The following STRN3 variants were observed in gnomAD, a reference collection of about 807,000 sequenced individuals.
STRN3 encodes the protein striatin-3.
STRN3 carries 29 observed loss-of-function variants against 95.6 expected under a neutral mutation model. That is an observed-to-expected ratio of 0.30 (90% CI 0.23 to 0.41). The LOEUF (loss-of-function observed/expected upper bound fraction) is 0.41. STRN3 is among the 10% of genes least tolerant of loss of function. STRN3 has a pLI of 1.00. For missense variants in STRN3, 890 were observed against 972.1 expected (o/e 0.92, Z 1.12); for synonymous variants, 331 against 357.6 (o/e 0.93, Z 0.84).
rs1003187963 is a variant in STRN3, at chr14:31,026,114, A to G, written c.72T>C (p.Pro24=). ...CGGGCGAAAGGCCCAGGTTCCCCCC[A>G]GGTCCCTGCTGCTGCCGGGGAGGGG... ...MAAPPRQQQG[P]GGNLGLSPGG... The change falls in exon 1 of 18, where the codon CCT becomes CCC. Residue 24 remains proline, a synonymous_variant. Transcript: ENST00000357479. The G allele has an allele frequency of 2.0e-5, 31 of 1,512,334 alleles. No homozygotes were observed. The highest frequency in any genetic ancestry group is 2.6e-5 in the Non-Finnish European group (30 of 1,134,548). 93.7% of individuals were successfully genotyped at this position (1,512,334 alleles called of 1,614,324 possible).
chr14:30,902,551 A>C lies in STRN3; in HGVS notation c.2122T>G (p.Phe708Val). The C allele has an allele frequency of 6.3e-7, 1 of 1,598,592 alleles. No individual in the cohort carries two copies. Among genetic ancestry groups the C allele is most frequent in the Non-Finnish European group, 8.5e-7 (1 of 1,174,270 alleles). The change falls in exon 16 of 18, where the codon TTT becomes GTT. Residue 708 changes from phenylalanine (F) to valine (V), a missense_variant. Phe to Val is a conservative substitution (Grantham distance 50, BLOSUM62 -1). Around this residue, in one of 3 missense-constraint regions of STRN3, gnomAD observed 357 missense variants for 422.8 expected, o/e 0.84. Coordinates refer to ENST00000357479, the MANE Select transcript of STRN3 (RefSeq NM_001083893.2). The stretch of plus-strand genomic sequence containing the variant: ...ATTTGCTTACCCGTTTTATTGTCAA[A>C]AAATTTGATGTGTCTATCTTCATGA... The part of the protein sequence containing the change: ...TAHEDRHIKF[F>V]DNKTGKMIHS...
intron 13 of STRN3, among the ~76,000 whole-genome samples, chr14:30,908,356 A>T (rs1896521468): frequency 6.6e-6 from 1 of 152,204 alleles, no homozygotes; most frequent in African/African-American, 2.4e-5. Flanking sequence ...ACACCAAAAC[A>T]ATCCTTGCTA....
intron 1 of STRN3, among the ~76,000 whole-genome samples, chr14:30,992,565 TAAAAAAAAAAAAAAAAA>T (rs58987293): frequency 5.3e-5 from 5 of 94,072 alleles, no homozygotes; most frequent in African/African-American, 2.2e-4. Flanking sequence ...CCTGTCTCTT[TAAAAAAAAAAAAAAAAA>T]AAAAAAAAAG....
intron 1 of STRN3, among the ~76,000 whole-genome samples, chr14:30,959,684 G>A (rs1880091668): frequency 1.3e-5 from 2 of 152,070 alleles, no homozygotes; most frequent in African/African-American, 4.8e-5. Flanking sequence ...AAAAAGGCAA[G>A]GTGGCACATG....
intron 1 of STRN3, among the ~76,000 whole-genome samples, chr14:30,966,079 C>A (rs968820584): frequency 3.3e-5 from 5 of 152,140 alleles, no homozygotes; most frequent in African/African-American, 1.2e-4. Flanking sequence ...TCTGCCCTGA[C>A]CCCCGCCAAA....
intron 1 of STRN3, among the ~76,000 whole-genome samples, chr14:31,001,060 A>G (rs1882427256): frequency 6.6e-6 from 1 of 152,196 alleles, no homozygotes; most frequent in Admixed American, 6.6e-5. Context: ...CTGAAGGTTT[A>G]CAGAGAGTAC....
chr14:30,897,308 G>C (rs1896184424), intron 16 of STRN3, among the ~76,000 whole-genome samples: 4 of 152,222 alleles, frequency 2.6e-5, no homozygotes, highest in Admixed American at 2.6e-4. Context: ...TAGTAGGCCA[G>C]CTGTGGGGGA....
At chr14:31,003,843 T>C (rs1566487087) in intron 1 of STRN3, among the ~76,000 whole-genome samples, 1 of 148,654 alleles carries the variant, frequency 6.7e-6, no homozygotes, top group African/African-American at 2.5e-5. Context: ...AGATTTCTTG[T>C]ACAGGATACA....
intron 1 of STRN3, among the ~76,000 whole-genome samples, chr14:30,972,930 G>T (rs1880905947): frequency 6.6e-6 from 1 of 152,190 alleles, no homozygotes; most frequent in South Asian, 2.1e-4. Context: ...TAAAGATTAG[G>T]CCGGGTGCGG....
intron 4 of STRN3, among the ~76,000 whole-genome samples, chr14:30,949,886 T>G (rs1156671051): frequency 6.6e-6 from 1 of 152,092 alleles, no homozygotes; most frequent in Admixed American, 6.6e-5. Context: ...TCTGCAATGT[T>G]TGGACAGGAA....
At chr14:30,939,062 C>G (rs1878965525) in intron 5 of STRN3, among the ~76,000 whole-genome samples, 1 of 152,150 alleles carries the variant, frequency 6.6e-6, no homozygotes, top group Non-Finnish European at 1.5e-5. Flanking sequence ...TGCTGAATTT[C>G]CTTTGCCCAA....
chr14:30,919,344 T>C (rs1220747931), intron 8 of STRN3, among the ~76,000 whole-genome samples: 1 of 150,770 alleles, frequency 6.6e-6, no homozygotes, highest in African/African-American at 2.4e-5. Flanking sequence ...ATATTACATA[T>C]ATGTCTCTCT....
At chr14:30,921,913 C>T (rs1458557760) in intron 8 of STRN3, among the ~76,000 whole-genome samples, 1 of 152,030 alleles carries the variant, frequency 6.6e-6, no homozygotes, top group Non-Finnish European at 1.5e-5. Context: ...CCCTGTCACC[C>T]AGGCTAGAAT....
intron 16 of STRN3, among the ~76,000 whole-genome samples, chr14:30,897,509 C>T (rs12434740): frequency 0.42 from 63,484 of 151,904 alleles, 13,436 homozygotes; most frequent in East Asian, 0.46. Context: ...CGCTTGAACC[C>T]GGGAGGTGGA....
intron 5 of STRN3, among the ~76,000 whole-genome samples, chr14:30,938,530 G>C (rs138416765): frequency 1.3e-3 from 204 of 152,198 alleles, no homozygotes; most frequent in African/African-American, 4.6e-3. Context: ...AGTACCTCCT[G>C]TTTCCAGGTT....
chr14:30,942,276 T>G (rs1042808177), intron 5 of STRN3, among the ~76,000 whole-genome samples: 3 of 152,178 alleles, frequency 2.0e-5, no homozygotes, highest in African/African-American at 7.2e-5. Flanking sequence ...TTTAGCAAAA[T>G]TTCTGAAAGG....
chr14:31,018,753 C>A (rs1348804649), intron 1 of STRN3: 3 of 474,868 alleles, frequency 6.3e-6, no homozygotes, highest in Non-Finnish European at 1.2e-5. Context: ...GTGCTCCGAA[C>A]TTGCTCAAAT....
chr14:30,974,666 C>A (rs1159929843), intron 1 of STRN3, among the ~76,000 whole-genome samples: 3 of 150,474 alleles, frequency 2.0e-5, no homozygotes, highest in Non-Finnish European at 4.4e-5. Context: ...TTGTCAGGTG[C>A]TATGGCACAC....
At position 30,956,290 on chromosome 14, in the gene STRN3, A is replaced by G. The variant is rs746771443; in HGVS notation, c.283-48T>C. 6 of 1,537,778 alleles carry G rather than the reference A, an allele frequency of 3.9e-6. No homozygotes were observed. The African/African-American group carries it at 6.9e-5, about 18-fold the overall frequency. On this transcript the variant is annotated intron_variant, in intron 1 of 17. Coordinates refer to ENST00000357479, the MANE Select transcript of STRN3 (RefSeq NM_001083893.2). ...TATTTACATTTTCCCTTAACCATACATAGGAAACTGAAAAATGGAAAACGA... is the reference window on the plus strand; with the variant it reads ...TATTTACATTTTCCCTTAACCATACGTAGGAAACTGAAAAATGGAAAACGA...
Sources: gnomAD v4.1 joint callset for allele counts (sites outside exome capture counted in the v4.1 genomes callset) on GRCh38, gnomAD v4.1.1 for gene constraint, gnomAD v4.1.1 regional missense constraint, MANE v1.5 for transcripts, NCBI Gene and HGNC (gene_info 2026-07-23, HGNC 2026-07-21) for gene names.